Variants in MACROD2 observed in about 807,000 individuals in gnomAD.
The protein encoded by MACROD2 is mono-ADP ribosylhydrolase 2.
Under a neutral mutation model 70.4 loss-of-function variants are expected in MACROD2, and 36 were observed. The ratio of observed to expected loss-of-function variants is 0.51; its 90% confidence interval spans 0.39 to 0.68. The LOEUF is 0.68. Among genes scored for constraint, MACROD2 ranks in the 30% least tolerant of loss-of-function variants. The probability of loss-of-function intolerance (pLI) is 0.00; values close to 1 mark genes in which losing one functional copy is unlikely to be tolerated. For missense variants in MACROD2, 496 were observed against 538.4 expected (o/e 0.92, Z 0.78); for synonymous variants, 172 against 178.8 (o/e 0.96, Z 0.30).
intron 4 of MACROD2, among the ~76,000 whole-genome samples, chr20:14,653,016 C>T (rs546870703): frequency 8.5e-5 from 13 of 152,172 alleles, no homozygotes; most frequent in Admixed American, 5.2e-4. Flanking sequence ...CCGTGTATAC[C>T]CTTGGTTAAG....
rs1478476250 is a variant in MACROD2, at chr20:15,414,193, AG to A, written c.541-17211del. ...CTTTACTGATATAAGGGTCACCATC[AG>A]TACAGGGATCAGAATTGTGAAAGTT... is the stretch of plus-strand genomic sequence containing the variant. On this transcript the variant is annotated intron_variant, in intron 6 of 17. Coordinates refer to ENST00000684519, the MANE Select transcript of MACROD2 (RefSeq NM_001351661.2). 2.6e-5 allele frequency among the ~76,000 whole-genome samples: 4 copies of A among 152,308 alleles called. No homozygotes were observed. The East Asian group carries it at 7.7e-4, about 29-fold the overall frequency.
chr20:14,479,394 C>A (rs532345079), intron 3 of MACROD2, among the ~76,000 whole-genome samples: 1 of 152,218 alleles, frequency 6.6e-6, no homozygotes, highest in East Asian at 1.9e-4. Context: ...GCTGGTTCAT[C>A]AGCTTATCTT....
At chr20:15,366,002 C>A (rs2045403593) in intron 6 of MACROD2, among the ~76,000 whole-genome samples, 1 of 152,118 alleles carries the variant, frequency 6.6e-6, no homozygotes, top group Non-Finnish European at 1.5e-5. Context: ...TTGCTTTAAA[C>A]TTAAGAGGGA....
chr20:15,713,987 GCACACACACA>G (rs3071356), intron 8 of MACROD2, among the ~76,000 whole-genome samples: 6,887 of 117,734 alleles, frequency 0.058, 544 homozygotes, highest in African/African-American at 0.18. Flanking sequence ...ACACACATAT[GCACACACACA>G]CACACACACA....
chr20:14,795,187 A>G (rs1004587750), intron 5 of MACROD2, among the ~76,000 whole-genome samples: 1 of 152,020 alleles, frequency 6.6e-6, no homozygotes, highest in African/African-American at 2.4e-5. Context: ...TTTTATTCCA[A>G]CCAAAATGGG....
intron 3 of MACROD2, among the ~76,000 whole-genome samples, chr20:14,216,108 G>C (rs1490694229): frequency 1.3e-5 from 2 of 151,928 alleles, no homozygotes; most frequent in African/African-American, 4.8e-5. Flanking sequence ...GGTTTTTCCA[G>C]TGTTCTTTTC....
At position 15,811,114 on chromosome 20, in the gene MACROD2, A is replaced by G. The variant is rs983752691; in HGVS notation, c.646-51631A>G. On this transcript the variant is annotated intron_variant, in intron 8 of 17. Transcript: ENST00000684519. ...GATCTAATTAAACTAAAGAGCTTCT[A>G]CACAGCAAAAGAAACTGCCATCAGA... 2.0e-5 allele frequency among the ~76,000 whole-genome samples: 3 copies of G among 152,220 alleles called. No individual in the cohort carries two copies. In the South Asian group the frequency reaches 6.2e-4, roughly 32 times the overall value.
chr20:14,604,778 A>T (rs1215198038), intron 4 of MACROD2, among the ~76,000 whole-genome samples: 1 of 152,162 alleles, frequency 6.6e-6, no homozygotes, highest in Non-Finnish European at 1.5e-5. Flanking sequence ...GAACTCAGCA[A>T]ATGGCATCTT....
intron 13 of MACROD2, among the ~76,000 whole-genome samples, chr20:15,977,352 T>C (rs1157940621): frequency 6.6e-6 from 1 of 152,220 alleles, no homozygotes; most frequent in Non-Finnish European, 1.5e-5. Context: ...TAGGAGATTA[T>C]CTCGTTCCAC....
intron 3 of MACROD2, among the ~76,000 whole-genome samples, chr20:14,342,114 G>A (rs762138914): frequency 3.9e-5 from 6 of 152,180 alleles, no homozygotes; most frequent in Non-Finnish European, 8.8e-5. Context: ...CATGGGTGGG[G>A]AGATAACGCT....
At chr20:15,836,092 C>G (rs1034550648) in intron 8 of MACROD2, among the ~76,000 whole-genome samples, 3 of 49,864 alleles carry the variant, frequency 6.0e-5, no homozygotes, top group African/African-American at 4.4e-4. Context: ...GAGGGTGACT[C>G]TTATATTTCC....
intron 5 of MACROD2, among the ~76,000 whole-genome samples, chr20:14,691,566 C>A (rs539190312): frequency 6.6e-6 from 1 of 152,234 alleles, no homozygotes; most frequent in East Asian, 1.9e-4. Context: ...AATCTTTGTT[C>A]CTTGTTTCCT....
rs115951989 is a variant in MACROD2 at position 15,499,858 on chromosome 20, C to G, written c.645+11C>G. 6.2e-7 allele frequency: 1 copy of G among 1,610,910 alleles called. No individual in the cohort carries two copies. The highest frequency in any genetic ancestry group is 8.5e-7 in the Non-Finnish European group (1 of 1,177,420). ...AAGAATCACCATGAGGTAGGAGGAA[C>G]GACATAATCAGTGAACATCCAAGAT... On this transcript the variant is annotated intron_variant, in intron 8 of 17. Transcript: ENST00000684519.
chr20:14,211,125 C>T (rs2081567827), intron 3 of MACROD2, among the ~76,000 whole-genome samples: 1 of 152,154 alleles, frequency 6.6e-6, no homozygotes. Context: ...TAAACGTATA[C>T]ATTGTGGATT....
chr20:14,423,465 C>T (rs551543593), intron 3 of MACROD2, among the ~76,000 whole-genome samples: 12 of 150,732 alleles, frequency 8.0e-5, no homozygotes, highest in Non-Finnish European at 1.6e-4. Context: ...TTTGGGAGGC[C>T]GAGGGGGGCG....
intron 3 of MACROD2, among the ~76,000 whole-genome samples, chr20:14,221,807 G>T (rs1035219279): frequency 5.9e-5 from 9 of 152,058 alleles, no homozygotes; most frequent in Non-Finnish European, 1.2e-4. Context: ...CCTATTAAAA[G>T]GTGGGCAAAG....
intron 8 of MACROD2, among the ~76,000 whole-genome samples, chr20:15,587,807 G>T (rs745615093): frequency 6.6e-6 from 1 of 152,230 alleles, no homozygotes; most frequent in Non-Finnish European, 1.5e-5. Flanking sequence ...CTCTGTCCCT[G>T]TCGCTTTGCA....
At chr20:14,817,989 A>G (rs1289514927) in intron 5 of MACROD2, among the ~76,000 whole-genome samples, 1 of 152,178 alleles carries the variant, frequency 6.6e-6, no homozygotes, top group Non-Finnish European at 1.5e-5. Context: ...TAAGTGCTCT[A>G]GGTGGGCCAC....
At chr20:15,223,368 C>T (rs1333701793) in intron 5 of MACROD2, among the ~76,000 whole-genome samples, 1 of 152,224 alleles carries the variant, frequency 6.6e-6, no homozygotes, top group Non-Finnish European at 1.5e-5. Flanking sequence ...AATAACATCA[C>T]TTTCACCACT....
Sources: allele counts gnomAD v4.1 joint callset (sites outside exome capture counted in the v4.1 genomes callset), GRCh38; gene constraint gnomAD v4.1.1; transcripts MANE v1.5; gene names NCBI Gene and HGNC (gene_info 2026-07-23, HGNC 2026-07-21).